Variants in GXYLT2 observed in about 807,000 individuals in gnomAD.
GXYLT2 encodes the protein glycosyltransferase 8 domain containing 4.
In GXYLT2, 53 loss-of-function variants were observed where a neutral mutation model predicts 45.8. The observed-to-expected ratio is 1.16, with a 90% CI of 0.93 to 1.46. The LOEUF (loss-of-function observed/expected upper bound fraction) is 1.46. Ranked by LOEUF, GXYLT2 falls within the 40% of genes most tolerant of loss-of-function variation. The pLI, the probability that GXYLT2 is intolerant of heterozygous loss-of-function variation, is 0.00. For missense variants in GXYLT2, 551 were observed against 544.4 expected (o/e 1.01, Z -0.12); for synonymous variants, 219 against 214.2 (o/e 1.02, Z -0.19).
chr3:72,975,926 C>CTTTTTTTT lies in GXYLT2; in HGVS notation c.*783_*790dup, dbSNP rs200250227. On this transcript the variant is annotated 3_prime_UTR_variant, in exon 7 of 7. Transcript: ENST00000389617. ...GGGTATTTCTTCTTTTTCTTTCTTT[C>CTTTTTTTT]TTTTTTTTTTTTTTTTTTTTTTTGA... 84 of 119,524 alleles carry CTTTTTTTT rather than the reference C, an allele frequency of 7.0e-4. No homozygotes were observed. Among genetic ancestry groups the CTTTTTTTT allele is most frequent in the Non-Finnish European group, 1.1e-3 (64 of 58,084 alleles). 7.4% of individuals were successfully genotyped at this position (119,524 alleles called of 1,614,324 possible).
chr3:72,975,261 A>G lies in GXYLT2; in HGVS notation c.*102A>G. ...TTGTGTGAATATTTAATGGTGCTCCATGACTGTTGAGTTTTAAAAACCTCG... is the reference window on the plus strand; with the variant it reads ...TTGTGTGAATATTTAATGGTGCTCCGTGACTGTTGAGTTTTAAAAACCTCG... On this transcript the variant is annotated 3_prime_UTR_variant, in exon 7 of 7. Coordinates refer to ENST00000389617, the MANE Select transcript of GXYLT2 (RefSeq NM_001080393.2). 1.2e-6 allele frequency: 1 copy of G among 813,990 alleles called. No individual in the cohort carries two copies. Among genetic ancestry groups the G allele is most frequent in the Non-Finnish European group, 1.8e-6 (1 of 554,840 alleles). The allele number at this position is 813,990 out of a possible 1,614,324, so 50.4% of individuals were successfully genotyped here.
intron 1 of GXYLT2, among the ~76,000 whole-genome samples, chr3:72,889,910 T>TG (rs1709149992): frequency 6.7e-6 from 1 of 148,726 alleles, no homozygotes; most frequent in Non-Finnish European, 1.5e-5. Flanking sequence ...TTTTTTTGTT[T>TG]TTTTTTTTTT....
Position 72,915,689 on chromosome 3 carries a change from T to G in GXYLT2, c.469-6515T>G, listed in dbSNP as rs568308270. Among the ~76,000 whole-genome samples the G allele has an allele frequency of 3.9e-5, 6 of 152,082 alleles. No homozygotes were observed. The South Asian group carries it at 1.2e-3, about 32-fold the overall frequency. Reference sequence around the variant, plus strand: ...CCGTCTCTACTAAAAATACAAAAATTAGCCCATGTTGTGGCATGCGCCTGT... The same window carrying G: ...CCGTCTCTACTAAAAATACAAAAATGAGCCCATGTTGTGGCATGCGCCTGT... On this transcript the variant is annotated intron_variant, in intron 2 of 6. Coordinates refer to ENST00000389617, the MANE Select transcript of GXYLT2 (RefSeq NM_001080393.2).
At chr3:72,964,139 G>A (rs1710817230) in intron 5 of GXYLT2, among the ~76,000 whole-genome samples, 1 of 151,882 alleles carries the variant, frequency 6.6e-6, no homozygotes, top group African/African-American at 2.4e-5. Flanking sequence ...GTTAAATCGA[G>A]GTGAAATGTT....
At position 72,929,042 on chromosome 3, in the gene GXYLT2, G is replaced by A. The variant is rs373442630; in HGVS notation, c.600+6707G>A. 14 of 1,557,870 alleles carry A rather than the reference G, an allele frequency of 9.0e-6. 1 individual carries two copies. The Middle Eastern group carries it at 1.4e-3, about 151-fold the overall frequency. On this transcript the variant is annotated intron_variant, in intron 3 of 6. Transcript: ENST00000389617. Reference sequence around the variant, plus strand: ...CCGCCGCCTCTCCTTAGCCGCCGCCGTGACGACCGCGTCCACCTCGCAGGT... The same window carrying A: ...CCGCCGCCTCTCCTTAGCCGCCGCCATGACGACCGCGTCCACCTCGCAGGT...
At chr3:72,967,309 A>T (rs1710884329) in intron 5 of GXYLT2, among the ~76,000 whole-genome samples, 1 of 152,160 alleles carries the variant, frequency 6.6e-6, no homozygotes, top group Non-Finnish European at 1.5e-5. Flanking sequence ...CTTATTTAAG[A>T]TGCAACACTC....
chr3:72,912,437 C>G (rs1162214040), intron 2 of GXYLT2, among the ~76,000 whole-genome samples: 1 of 152,146 alleles, frequency 6.6e-6, no homozygotes, highest in Non-Finnish European at 1.5e-5. Context: ...GCACATGCCA[C>G]CATGCCTTGC....
intron 6 of GXYLT2, among the ~76,000 whole-genome samples, chr3:72,971,947 T>TAA (rs77835059): frequency 2.3e-5 from 3 of 130,638 alleles, no homozygotes; most frequent in South Asian, 2.5e-4. Flanking sequence ...ACACTCCATC[T>TAA]AAAAAAAAAA....
At chr3:72,907,016 A>T (rs1709524203) in intron 1 of GXYLT2, among the ~76,000 whole-genome samples, 1 of 152,204 alleles carries the variant, frequency 6.6e-6, no homozygotes, top group African/African-American at 2.4e-5. Flanking sequence ...TGGGGGTTAA[A>T]GATAAGATTG....
chr3:72,936,536 A>T (rs1710183210), intron 3 of GXYLT2, among the ~76,000 whole-genome samples: 1 of 152,128 alleles, frequency 6.6e-6, no homozygotes, highest in African/African-American at 2.4e-5. Flanking sequence ...GCTACTCGGG[A>T]GGCTGAGGCA....
intron 2 of GXYLT2, among the ~76,000 whole-genome samples, chr3:72,910,379 A>G (rs576003262): frequency 2.8e-4 from 42 of 152,286 alleles, no homozygotes; most frequent in Non-Finnish European, 4.3e-4. Context: ...CAGAAGACTC[A>G]AATTCAAAAC....
chr3:72,915,354 T>TTTTTG (rs71126805), intron 2 of GXYLT2, among the ~76,000 whole-genome samples: 11 of 33,482 alleles, frequency 3.3e-4, no homozygotes, highest in African/African-American at 9.8e-4. Flanking sequence ...TTTTTTTTTT[T>TTTTTG]GCGGGGGGGG....
chr3:72,962,035 T>G (rs1710780821), intron 5 of GXYLT2, among the ~76,000 whole-genome samples: 1 of 152,160 alleles, frequency 6.6e-6, no homozygotes, highest in Admixed American at 6.5e-5. Context: ...GGAGCAGGAC[T>G]CACTCACATG....
intron 5 of GXYLT2, among the ~76,000 whole-genome samples, chr3:72,959,906 A>G (rs1710737271): frequency 6.6e-6 from 1 of 151,856 alleles, no homozygotes; most frequent in African/African-American, 2.4e-5. Context: ...AAATGCTGGG[A>G]TTACAGGCAT....
chr3:72,932,519 G>A (rs1384085630), intron 3 of GXYLT2, among the ~76,000 whole-genome samples: 1 of 152,196 alleles, frequency 6.6e-6, no homozygotes, highest in African/African-American at 2.4e-5. Flanking sequence ...CAGGAAGACA[G>A]GATACTCAGA....
intron 5 of GXYLT2, among the ~76,000 whole-genome samples, chr3:72,965,988 GT>G (rs1710858682): frequency 6.6e-6 from 1 of 151,788 alleles, no homozygotes; most frequent in South Asian, 2.1e-4. Flanking sequence ...TGTTGTGTTG[GT>G]TTTTGTTTTT....
intron 1 of GXYLT2, among the ~76,000 whole-genome samples, chr3:72,889,239 C>G (rs898935624): frequency 2.6e-5 from 4 of 152,198 alleles, no homozygotes; most frequent in Non-Finnish European, 4.4e-5. Context: ...GAACGCCCCG[C>G]AGGTTAGGGA....
rs142042816 is a variant in GXYLT2, at chr3:72,939,729, G to A, written c.601-15369G>A. 8.5e-3 allele frequency among the ~76,000 whole-genome samples: 1,265 copies of A among 148,936 alleles called. 6 individuals carry two copies. The highest frequency in any genetic ancestry group is 0.03 in the African/African-American group (1,201 of 40,434). On this transcript the variant is annotated intron_variant, in intron 3 of 6. Coordinates refer to ENST00000389617, the MANE Select transcript of GXYLT2 (RefSeq NM_001080393.2). ...TGGGTCTCAGTCTGTCGCCCAGGCT[G>A]GAGTGCAGTGGTGCTATCAGAGCTC...
chr3:72,901,494 C>T (rs1198870117), intron 1 of GXYLT2, among the ~76,000 whole-genome samples: 4 of 145,994 alleles, frequency 2.7e-5, no homozygotes, highest in African/African-American at 5.1e-5. Context: ...ACTATTCCAT[C>T]GTTTTTAGTT....
Sources: gnomAD v4.1 joint callset for allele counts (sites outside exome capture counted in the v4.1 genomes callset) on GRCh38, gnomAD v4.1.1 for gene constraint, MANE v1.5 for transcripts, NCBI Gene and HGNC (gene_info 2026-07-23, HGNC 2026-07-21) for gene names.